Variants in XYLT1 observed in about 807,000 individuals in gnomAD.
The protein encoded by XYLT1 is beta-D-xylosyltransferase 1.
In XYLT1, 36 loss-of-function variants were observed where a neutral mutation model predicts 91.3. The observed-to-expected ratio is 0.39, with a 90% CI of 0.30 to 0.52. XYLT1 has a LOEUF of 0.52. XYLT1 is among the 20% of genes least tolerant of loss of function. XYLT1 has a pLI of 0.68. For synonymous variants in XYLT1, 588 were observed against 532.0 expected, an observed-to-expected ratio of 1.11 and a Z score of -1.45; for missense variants, 1,242 against 1,284.5, an observed-to-expected ratio of 0.97 and a Z score of 0.51.
At chr16:17,119,397 G>A (rs183190556) in intron 10 of XYLT1, among the ~76,000 whole-genome samples, 46 of 152,316 alleles carry the variant, frequency 3.0e-4, no homozygotes, top group Admixed American at 2.2e-3. Context: ...GGCAAATAAC[G>A]GGTACAGTAT....
chr16:17,172,736 G>T (rs992077902), intron 5 of XYLT1, among the ~76,000 whole-genome samples: 1 of 152,170 alleles, frequency 6.6e-6, no homozygotes, highest in Non-Finnish European at 1.5e-5. Flanking sequence ...GCCTCCCAAA[G>T]TGCTGGGATA....
chr16:17,171,139 G>T (rs1251112548), intron 5 of XYLT1, among the ~76,000 whole-genome samples: 1 of 152,148 alleles, frequency 6.6e-6, no homozygotes, highest in Non-Finnish European at 1.5e-5. Flanking sequence ...AGGTAACCTA[G>T]CCCACAGAAT....
At chr16:17,357,184 A>C (rs867602661) in intron 2 of XYLT1, among the ~76,000 whole-genome samples, 10,916 of 142,066 alleles carry the variant, frequency 0.077, 617 homozygotes, top group Middle Eastern at 0.12. Flanking sequence ...AAAAAAAAAA[A>C]AAAAAAAAAA....
chr16:17,117,460 G>T (rs948566228), intron 11 of XYLT1, among the ~76,000 whole-genome samples, 186 bp downstream of exon 11: 1 of 152,196 alleles, frequency 6.6e-6, no homozygotes, highest in Non-Finnish European at 1.5e-5. Flanking sequence ...CATCATCTCC[G>T]TGTGCAGGTA....
intron 3 of XYLT1, among the ~76,000 whole-genome samples, chr16:17,240,564 A>G (rs2033330024): frequency 1.3e-5 from 2 of 152,202 alleles, no homozygotes; most frequent in Admixed American, 1.3e-4. Context: ...CCCAGCAGTG[A>G]TATTCAGGAT....
chr16:17,384,623 G>A (rs982821217), intron 1 of XYLT1, among the ~76,000 whole-genome samples: 10 of 151,954 alleles, frequency 6.6e-5, no homozygotes, highest in African/African-American at 2.4e-4. Flanking sequence ...GATGTGGTGT[G>A]GGAGTGCCCA....
intron 1 of XYLT1, among the ~76,000 whole-genome samples, chr16:17,405,941 T>C (rs139502139): frequency 0.032 from 4,903 of 152,252 alleles, 111 homozygotes; most frequent in Non-Finnish European, 0.049. Flanking sequence ...TCCCAGCACT[T>C]TGGGAGGCTG....
chr16:17,192,571 A>C (rs2032338027), intron 5 of XYLT1, among the ~76,000 whole-genome samples: 1 of 152,236 alleles, frequency 6.6e-6, no homozygotes, highest in Non-Finnish European at 1.5e-5. Flanking sequence ...GCAGGGCCTC[A>C]GAGTTTGAAA....
chr16:17,132,165 T>C (rs8057346), intron 9 of XYLT1, among the ~76,000 whole-genome samples: 42,177 of 152,084 alleles, frequency 0.28, 6,459 homozygotes, highest in East Asian at 0.7. Flanking sequence ...TGGCAGGCAC[T>C]GCACTGTCTA....
At chr16:17,193,278 G>A (rs1419435984) in intron 5 of XYLT1, 1 of 152,210 alleles carries the variant, frequency 6.6e-6, no homozygotes, top group Non-Finnish European at 1.5e-5. Flanking sequence ...GCTGTGGTAG[G>A]TCCTTATCAT....
At chr16:17,320,482 C>CTTTT (rs11430162) in intron 2 of XYLT1, among the ~76,000 whole-genome samples, 3 of 134,438 alleles carry the variant, frequency 2.2e-5, no homozygotes, top group South Asian at 2.4e-4. Flanking sequence ...GGAAAAGTTT[C>CTTTT]TTTTTTTTTT....
At chr16:17,375,183 T>G (rs567276813) in intron 1 of XYLT1, among the ~76,000 whole-genome samples, 5 of 152,344 alleles carry the variant, frequency 3.3e-5, no homozygotes, top group East Asian at 1.9e-4. Flanking sequence ...ATAACATTTC[T>G]TAGGCACTTA....
intron 1 of XYLT1, among the ~76,000 whole-genome samples, chr16:17,463,578 C>G (rs1008815734): frequency 2.0e-5 from 3 of 152,188 alleles, no homozygotes; most frequent in Non-Finnish European, 4.4e-5. Context: ...ATAACAGACG[C>G]TGGTGAGGAT....
intron 5 of XYLT1, among the ~76,000 whole-genome samples, chr16:17,176,184 C>T (rs778875972): frequency 1.3e-5 from 2 of 152,224 alleles, no homozygotes; most frequent in Non-Finnish European, 2.9e-5. Context: ...TAAGTACTTA[C>T]TGAGCTCTCA....
intron 1 of XYLT1, among the ~76,000 whole-genome samples, chr16:17,385,269 T>TACACACACACACACAC (rs566134163): frequency 3.3e-5 from 4 of 120,012 alleles, no homozygotes; most frequent in African/African-American, 8.4e-5. Flanking sequence ...TAAACACACA[T>TACACACACACACACAC]ACACACACAC....
intron 2 of XYLT1, among the ~76,000 whole-genome samples, chr16:17,259,805 C>T (rs1349170522): frequency 6.6e-6 from 1 of 152,136 alleles, no homozygotes. Flanking sequence ...ACTGTCTTTG[C>T]CACTGGGTAA....
intron 5 of XYLT1, among the ~76,000 whole-genome samples, chr16:17,169,215 G>A (rs1322016861): frequency 1.3e-5 from 2 of 152,198 alleles, no homozygotes; most frequent in Non-Finnish European, 2.9e-5. Flanking sequence ...TGAAGCACGA[G>A]CATTCAGGGG....
rs145151508 is a variant in XYLT1 at position 17,344,015 on chromosome 16, A to G, written c.402+13997T>C. On this transcript the variant is annotated intron_variant, in intron 2 of 11. Transcript: ENST00000261381. ...TGTTGATTTTTACACATTCTCTGCT[A>G]CCCATACTTGGTTAGGACCGTGGTT... is the stretch of plus-strand genomic sequence containing the variant. Among the ~76,000 whole-genome samples the G allele has an allele frequency of 1.8e-4, 28 of 152,264 alleles. No homozygotes were observed. The East Asian group carries it at 5.4e-3, about 29-fold the overall frequency.
rs138651704 is a variant in XYLT1 at position 17,431,765 on chromosome 16, T to C, written c.363+38669A>G. On this transcript the variant is annotated intron_variant, in intron 1 of 11. Transcript: ENST00000261381. ...TGGTAAATCACGTTGTCCAATAAAG[T>C]TGCTAAATTAGCAACAGCGTGACAC... Among the ~76,000 whole-genome samples the C allele has an allele frequency of 1.4e-4, 22 of 152,342 alleles. 1 individual carries two copies. In the East Asian group the frequency reaches 3.1e-3, roughly 21 times the overall value.
Sources: gnomAD v4.1 joint callset for allele counts (sites outside exome capture counted in the v4.1 genomes callset) on GRCh38, gnomAD v4.1.1 for gene constraint, MANE v1.5 for transcripts, NCBI Gene and HGNC (gene_info 2026-07-23, HGNC 2026-07-21) for gene names.